The following VPS8 variants were observed in gnomAD, a reference collection of about 807,000 sequenced individuals.
VPS8 encodes vacuolar protein sorting-associated protein 8 homolog.
A neutral mutation model predicts 216.4 loss-of-function variants in VPS8; 129 were observed. The observed-to-expected ratio is 0.60, with a 90% CI of 0.52 to 0.69. The LOEUF (loss-of-function observed/expected upper bound fraction) is 0.69, where lower values mean the gene tolerates loss of function less well. Among genes scored for constraint, VPS8 ranks in the 30% least tolerant of loss-of-function variants. The pLI, the probability that VPS8 is intolerant of heterozygous loss-of-function variation, is 0.00. For missense variants in VPS8, 1,531 were observed against 1,683.5 expected (o/e 0.91, Z 1.59); for synonymous variants, 571 against 565.4 (o/e 1.01, Z -0.14).
At position 184,843,260 on chromosome 3, in the gene VPS8, T is replaced by C. The variant is rs2108612606; in HGVS notation, c.541+15T>C. On this transcript the variant is annotated intron_variant, in intron 8 of 47. Coordinates refer to ENST00000625842, the MANE Select transcript of VPS8 (RefSeq NM_001009921.3). ...AAAAGGAAAAGGTATAGTAAGTAAT[T>C]TTAGTTTGCATGAATGGTTTCTTTT... The C allele has an allele frequency of 7.1e-7, 1 of 1,399,632 alleles. No homozygotes were observed. The highest frequency in any genetic ancestry group is 9.4e-7 in the Non-Finnish European group (1 of 1,058,764). The allele number at this position is 1,399,632 out of a possible 1,614,324, so 86.7% of individuals were successfully genotyped here. A position where few individuals can be genotyped will look rare whatever the true frequency, so the allele number is the denominator to read the frequency against.
At chr3:184,983,679 A>C (rs1269234914) in intron 42 of VPS8, among the ~76,000 whole-genome samples, 3 of 152,162 alleles carry the variant, frequency 2.0e-5, no homozygotes, top group African/African-American at 7.2e-5. Flanking sequence ...TTTTTAGAAA[A>C]AAACCTGTGA....
At chr3:184,929,921 G>T (rs982029059) in intron 33 of VPS8, among the ~76,000 whole-genome samples, 1 of 152,182 alleles carries the variant, frequency 6.6e-6, no homozygotes, top group African/African-American at 2.4e-5. Flanking sequence ...GGATGATGGG[G>T]AACTGACTTA....
At chr3:184,916,712 G>A (rs938167866) in intron 28 of VPS8, among the ~76,000 whole-genome samples, 2 of 152,114 alleles carry the variant, frequency 1.3e-5, no homozygotes, top group Non-Finnish European at 2.9e-5. Flanking sequence ...GGGAACATAA[G>A]GGTAGTTGGT....
chr3:184,857,022 A>G (rs754197028), intron 14 of VPS8, among the ~76,000 whole-genome samples: 7 of 152,210 alleles, frequency 4.6e-5, no homozygotes, highest in Admixed American at 6.5e-5. Flanking sequence ...GTGCTTGGCC[A>G]CATTCAGCAC....
intron 44 of VPS8, 71 bp downstream of exon 44, chr3:184,996,572 A>G (rs775874341): frequency 1.3e-6 from 2 of 1,495,308 alleles, no homozygotes; most frequent in African/African-American, 1.4e-5. Flanking sequence ...AAGAATCCAC[A>G]TGGATACACG....
At chr3:184,881,057 A>C (rs1350035321) in intron 21 of VPS8, among the ~76,000 whole-genome samples, 1 of 152,128 alleles carries the variant, frequency 6.6e-6, no homozygotes, top group African/African-American at 2.4e-5. Context: ...TATTCAAGGC[A>C]CTAGTCCGTT....
intron 27 of VPS8, 76 bp from the exon 28 acceptor site, chr3:184,915,279 C>A: frequency 6.5e-7 from 1 of 1,526,876 alleles, no homozygotes; most frequent in East Asian, 2.3e-5. Context: ...TTTATTTTAT[C>A]CAAATGAGAA....
chr3:184,959,454 A>G (rs1746130588), intron 37 of VPS8, among the ~76,000 whole-genome samples: 1 of 152,220 alleles, frequency 6.6e-6, no homozygotes, highest in Non-Finnish European at 1.5e-5. Flanking sequence ...CAGGTATAGA[A>G]AAAAGTAAAT....
chr3:184,967,131 A>G (rs1296870135), intron 39 of VPS8, among the ~76,000 whole-genome samples: 1 of 152,004 alleles, frequency 6.6e-6, no homozygotes, highest in Non-Finnish European at 1.5e-5. Context: ...CACATTGGCT[A>G]ATTTCTGTAT....
chr3:184,941,418 C>CTTTTTTTTTTTT (rs560431751), intron 36 of VPS8, among the ~76,000 whole-genome samples: 2 of 135,566 alleles, frequency 1.5e-5, no homozygotes, highest in African/African-American at 2.7e-5. Flanking sequence ...GGTAGACATC[C>CTTTTTTTTTTTT]TTTTTTTTTT....
intron 25 of VPS8, 76 bp downstream of exon 25, chr3:184,901,048 T>G: frequency 1.4e-5 from 18 of 1,246,242 alleles, no homozygotes; most frequent in Non-Finnish European, 2.1e-5. Flanking sequence ...AATTGGCCAA[T>G]TATATGTGTG....
chr3:185,001,756 G>GGATAGCCC (rs1753455605), intron 45 of VPS8, among the ~76,000 whole-genome samples: 2 of 152,300 alleles, frequency 1.3e-5, no homozygotes, highest in South Asian at 2.1e-4. Context: ...TAGCCCTCAT[G>GGATAGCCC]CTGAAGCTAT....
intron 15 of VPS8, among the ~76,000 whole-genome samples, chr3:184,860,464 C>T (rs1047226939): frequency 9.0e-5 from 7 of 78,124 alleles, no homozygotes; most frequent in African/African-American, 2.9e-4. Flanking sequence ...TGTATACACA[C>T]ACATACACAC....
intron 37 of VPS8, among the ~76,000 whole-genome samples, chr3:184,957,901 C>T (rs1179160697): frequency 6.6e-6 from 1 of 152,286 alleles, no homozygotes; most frequent in East Asian, 1.9e-4. Flanking sequence ...TTCCCAGATT[C>T]CTCCCGTGCC....
rs756115898 is a variant in VPS8 at position 184,957,477 on chromosome 3, A to T, written c.3139A>T (p.Thr1047Ser). 1 of 1,612,528 alleles carries T rather than the reference A, an allele frequency of 6.2e-7. No homozygotes were observed. Among genetic ancestry groups the T allele is most frequent in the South Asian group, 1.1e-5 (1 of 90,668 alleles). The change falls in exon 37 of 48, where the codon ACT becomes TCT. Residue 1047 changes from threonine (T) to serine (S), a missense_variant. Around this residue, in one of 3 missense-constraint regions of VPS8, gnomAD observed 1,318 missense variants for 1,468.4 expected, o/e 0.90. Transcript: ENST00000625842. The stretch of plus-strand genomic sequence containing the variant: ...GTTCAACCCAACCCAAGTTATAGAG[A>T]CTCTGCAAGTCCTTGAGTGCTACCG... ...CQFNPTQVIETLQVLECYRLE... is the reference protein window; with the variant it reads ...CQFNPTQVIESLQVLECYRLE...
intron 46 of VPS8, among the ~76,000 whole-genome samples, chr3:185,028,747 A>G (rs1757722763): frequency 6.6e-6 from 1 of 152,196 alleles, no homozygotes; most frequent in Non-Finnish European, 1.5e-5. Context: ...GTCCCTACCA[A>G]TACCTGGGTG....
intron 46 of VPS8, among the ~76,000 whole-genome samples, chr3:185,031,062 C>CG (rs1298082357): frequency 2.7e-5 from 2 of 75,238 alleles, no homozygotes; most frequent in Non-Finnish European, 4.7e-5. Context: ...TACAGGTTGG[C>CG]GTTTTTTTTT....
chr3:185,048,372 C>T, intron 46 of VPS8, 107 bp from the exon 47 acceptor site: 1 of 1,098,824 alleles, frequency 9.1e-7, no homozygotes, highest in Non-Finnish European at 1.4e-6. Flanking sequence ...GGATTGTTTT[C>T]AGGAGAATGA....
chr3:184,974,672 A>G (rs192533050), intron 40 of VPS8, among the ~76,000 whole-genome samples: 104 of 152,204 alleles, frequency 6.8e-4, no homozygotes, highest in Non-Finnish European at 1.3e-3. Context: ...ATTTTCTTCC[A>G]GTAGTTGTAT....
Sources: allele counts gnomAD v4.1 joint callset (sites outside exome capture counted in the v4.1 genomes callset), GRCh38; gene constraint gnomAD v4.1.1; regional missense constraint gnomAD v4.1.1; transcripts MANE v1.5; gene names NCBI Gene and HGNC (gene_info 2026-07-23, HGNC 2026-07-21).